The following RUBCNL variants were observed in gnomAD, a reference collection of about 807,000 sequenced individuals.
RUBCNL encodes the protein rubicon like autophagy enhancer.
A neutral mutation model predicts 69.5 loss-of-function variants in RUBCNL; 62 were observed. That is an observed-to-expected ratio of 0.89 (90% CI 0.73 to 1.10). The LOEUF (loss-of-function observed/expected upper bound fraction) is 1.10. Among genes scored for constraint, RUBCNL ranks in the 50% least tolerant of loss-of-function variants. RUBCNL has a pLI of 0.00. For synonymous variants in RUBCNL, 291 were observed against 303.6 expected (o/e 0.96, Z 0.43); for missense variants, 768 against 798.1 (o/e 0.96, Z 0.45).
At chr13:46,375,742 G>A (rs548545807) in intron 2 of RUBCNL, among the ~76,000 whole-genome samples, 13 of 152,100 alleles carry the variant, frequency 8.5e-5, no homozygotes, top group Non-Finnish European at 1.5e-4. Flanking sequence ...GAGTTTTGGA[G>A]ACTTCTTGAT....
chr13:46,356,521 T>A (rs575722137), intron 9 of RUBCNL, 25 bp from the exon 10 acceptor site: 2 of 1,605,436 alleles, frequency 1.2e-6, no homozygotes, highest in East Asian at 4.5e-5. Context: ...TAATACTAGT[T>A]ACATTTCAGA....
At chr13:46,356,618 T>C (rs1272826987) in intron 9 of RUBCNL, 122 bp from the exon 10 acceptor site, 2 of 742,104 alleles carry the variant, frequency 2.7e-6, no homozygotes, top group Non-Finnish European at 4.5e-6. Context: ...TTTGTCACTT[T>C]TCATTTGGGA....
intron 1 of RUBCNL, among the ~76,000 whole-genome samples, chr13:46,381,743 C>T (rs1594186412): frequency 6.6e-6 from 1 of 152,140 alleles, no homozygotes; most frequent in South Asian, 2.1e-4. Flanking sequence ...CCACCACGCC[C>T]GGCAATTTTT....
chr13:46,382,938 A>G (rs991498133), intron 1 of RUBCNL, among the ~76,000 whole-genome samples: 5 of 152,242 alleles, frequency 3.3e-5, no homozygotes, highest in African/African-American at 9.6e-5. Context: ...TTATGTTTTA[A>G]GTGCCTATTT....
At chr13:46,362,956 A>ATATATC (rs1555253825) in intron 6 of RUBCNL, among the ~76,000 whole-genome samples, 159 bp downstream of exon 6, 4 of 70,830 alleles carry the variant, frequency 5.6e-5, no homozygotes, top group Non-Finnish European at 1.0e-4. Flanking sequence ...ATATATATAT[A>ATATATC]TATATATATA....
intron 10 of RUBCNL, among the ~76,000 whole-genome samples, chr13:46,351,860 G>A (rs1024490467): frequency 3.2e-4 from 42 of 132,006 alleles, no homozygotes; most frequent in African/African-American, 1.1e-3. Flanking sequence ...AAGGAGTCTC[G>A]CTCTGTTGCC....
chr13:46,359,312 G>GAA (rs74263242), intron 9 of RUBCNL, among the ~76,000 whole-genome samples, 174 bp downstream of exon 9: 2 of 129,870 alleles, frequency 1.5e-5, no homozygotes, highest in Non-Finnish European at 1.7e-5. Context: ...TAAACAAGAG[G>GAA]AAAAAAAAAA....
intron 2 of RUBCNL, among the ~76,000 whole-genome samples, chr13:46,377,010 G>T (rs537707479): frequency 5.0e-4 from 76 of 151,422 alleles, no homozygotes; most frequent in African/African-American, 1.8e-3. Context: ...GAACATCCTT[G>T]TTCATGTCAT....
At chr13:46,346,026 G>A (rs569836864) in intron 12 of RUBCNL, among the ~76,000 whole-genome samples, 5 of 152,248 alleles carry the variant, frequency 3.3e-5, no homozygotes, top group African/African-American at 9.6e-5. Flanking sequence ...GCTCAGCTGC[G>A]AAAATTCTCA....
chr13:46,361,768 A>G (rs2048616273), intron 7 of RUBCNL, among the ~76,000 whole-genome samples, 195 bp from the exon 8 acceptor site: 2 of 152,228 alleles, frequency 1.3e-5, no homozygotes, highest in Non-Finnish European at 1.5e-5. Flanking sequence ...AGCATCTTTT[A>G]TTTACTGAGG....
Position 46,342,373 on chromosome 13 carries a change from C to T in RUBCNL, c.*1012G>A, listed in dbSNP as rs1254876751. ...GCAAACCGTTCAGTCTAAAGGTATA[C>T]CATGAAGGGACCCAGCCTCAAGGCC... is the stretch of plus-strand genomic sequence containing the variant. On this transcript the variant is annotated 3_prime_UTR_variant, in exon 15 of 15. Coordinates refer to ENST00000429979, the MANE Select transcript of RUBCNL (RefSeq NM_025113.5). 3 of 152,030 alleles carry T rather than the reference C, an allele frequency of 2.0e-5. No individual in the cohort carries two copies. The highest frequency in any genetic ancestry group is 7.3e-5 in the African/African-American group (3 of 41,378). 9.4% of individuals were successfully genotyped at this position (152,030 alleles called of 1,614,324 possible).
rs895962733 is a variant in RUBCNL, at chr13:46,337,713, T to C, written c.*5672A>G. ...CCCCTGGACAACAGGTATCAGGACATCTTATGTTAGTCAGAGTAGGGTGGG... is the reference window on the plus strand; with the variant it reads ...CCCCTGGACAACAGGTATCAGGACACCTTATGTTAGTCAGAGTAGGGTGGG... On this transcript the variant is annotated 3_prime_UTR_variant, in exon 15 of 15. Transcript: ENST00000429979. Among the ~76,000 whole-genome samples the C allele has an allele frequency of 6.6e-6, 1 of 152,322 alleles. No homozygotes were observed. The highest frequency in any genetic ancestry group is 2.4e-5 in the African/African-American group (1 of 41,578).
chr13:46,362,186 G>A (rs1174776636), intron 7 of RUBCNL, among the ~76,000 whole-genome samples: 2 of 152,032 alleles, frequency 1.3e-5, no homozygotes, highest in African/African-American at 4.8e-5. Context: ...GCAGTGAGCC[G>A]AGATTGGGCC....
intron 12 of RUBCNL, among the ~76,000 whole-genome samples, chr13:46,346,920 T>C (rs2138676912): frequency 6.6e-6 from 1 of 152,350 alleles, no homozygotes; most frequent in Non-Finnish European, 1.5e-5. Context: ...TATAGTATTC[T>C]ATTCTACGGA....
In RUBCNL at chr13:46,349,260, C is replaced by T. The variant is rs956976654; in HGVS notation, c.1631+26G>A. On this transcript the variant is annotated intron_variant, in intron 12 of 14. Coordinates refer to ENST00000429979, the MANE Select transcript of RUBCNL (RefSeq NM_025113.5). ...GATTAGCAGATGTATGGAGGGAAGG[C>T]AGCCTGTCCCAGCTGAGAATAGTAC... The T allele has an allele frequency of 5.0e-6, 8 of 1,607,832 alleles. No individual in the cohort carries two copies. In the Admixed American group the frequency reaches 5.0e-5, roughly 10 times the overall value.
intron 9 of RUBCNL, among the ~76,000 whole-genome samples, chr13:46,358,338 C>A (rs1287350024): frequency 6.6e-6 from 1 of 152,194 alleles, no homozygotes; most frequent in Non-Finnish European, 1.5e-5. Flanking sequence ...AAATTGAATA[C>A]AAACCAAGAG....
chr13:46,368,006 C>T (rs2138784836), intron 5 of RUBCNL, 36 bp downstream of exon 5: 1 of 1,579,648 alleles, frequency 6.3e-7, no homozygotes, highest in South Asian at 1.1e-5. Context: ...ATGTGAAACA[C>T]ATAACATACA....
chr13:46,387,183 C>T lies in RUBCNL; in HGVS notation c.-288G>A. On this transcript the variant is annotated 5_prime_UTR_variant, in exon 1 of 15. Transcript: ENST00000429979. Reference sequence around the variant, plus strand: ...GCTGCGCTGGGTAAACGCCGCGCGTCGGGTCCTCCCTCGCGCGGCTCCGGG... The same window carrying T: ...GCTGCGCTGGGTAAACGCCGCGCGTTGGGTCCTCCCTCGCGCGGCTCCGGG... 1.0e-6 allele frequency: 1 copy of T among 985,344 alleles called. No homozygotes were observed. Among genetic ancestry groups the T allele is most frequent in the Non-Finnish European group, 1.2e-6 (1 of 829,934 alleles). 61.0% of individuals were successfully genotyped at this position (985,344 alleles called of 1,614,324 possible).
At chr13:46,386,341 CCCA>C (rs1194617985) in intron 1 of RUBCNL, among the ~76,000 whole-genome samples, 1 of 152,134 alleles carries the variant, frequency 6.6e-6, no homozygotes, top group African/African-American at 2.4e-5. Flanking sequence ...TCTGCGCGCT[CCCA>C]CCACATCTTC....
Sources: gnomAD v4.1 joint callset for allele counts (sites outside exome capture counted in the v4.1 genomes callset) on GRCh38, gnomAD v4.1.1 for gene constraint, MANE v1.5 for transcripts, NCBI Gene and HGNC (gene_info 2026-07-23, HGNC 2026-07-21) for gene names.